WWOX: variants seen among roughly 807,000 people sequenced by gnomAD.
WWOX encodes WW domain containing oxidoreductase.
WWOX carries 69 observed loss-of-function variants against 46.2 expected under a neutral mutation model. The ratio of observed to expected loss-of-function variants is 1.49; its 90% CI spans 1.23 to 1.82. The LOEUF is 1.82. Among genes scored for constraint, WWOX ranks in the 40% most tolerant of loss-of-function variants. The pLI is 0.00. For missense variants in WWOX, 919 were observed against 542.6 expected (o/e 1.69, Z -6.89); for synonymous variants, 359 against 202.6 (o/e 1.77, Z -6.56).
intron 4 of WWOX, among the ~76,000 whole-genome samples, chr16:78,133,583 A>T (rs984811289): frequency 1.3e-5 from 2 of 151,994 alleles, no homozygotes; most frequent in African/African-American, 2.4e-5. Flanking sequence ...TTTAGTAGAG[A>T]TGGGGTTTCA....
intron 8 of WWOX, among the ~76,000 whole-genome samples, chr16:79,119,489 G>A (rs961338952): frequency 6.6e-6 from 1 of 152,192 alleles, no homozygotes. Flanking sequence ...CACTTTGTAG[G>A]TGCTTTATAA....
chr16:78,659,450 C>G (rs1427891335), intron 8 of WWOX, among the ~76,000 whole-genome samples: 3 of 152,116 alleles, frequency 2.0e-5, no homozygotes, highest in Admixed American at 1.3e-4. Context: ...ACCAGAAACT[C>G]TGGGAGTAGG....
At chr16:78,592,496 T>A (rs1265403827) in intron 8 of WWOX, among the ~76,000 whole-genome samples, 1 of 152,206 alleles carries the variant, frequency 6.6e-6, no homozygotes, top group African/African-American at 2.4e-5. Flanking sequence ...CTCAAGCCCC[T>A]GGACTCGCAG....
intron 8 of WWOX, among the ~76,000 whole-genome samples, chr16:78,666,194 G>A (rs1325977501): frequency 6.6e-6 from 1 of 152,118 alleles, no homozygotes; most frequent in Admixed American, 6.5e-5. Flanking sequence ...GGCTAAGGCA[G>A]GGGGATTGTT....
chr16:78,842,936 G>T (rs12446590), intron 8 of WWOX, among the ~76,000 whole-genome samples: 32,490 of 149,730 alleles, frequency 0.22, 5,757 homozygotes, highest in Middle Eastern at 0.36. Flanking sequence ...AATATGGAAA[G>T]AAATCTAATT....
chr16:79,153,655 G>C (rs943856120), intron 8 of WWOX, among the ~76,000 whole-genome samples: 1 of 152,010 alleles, frequency 6.6e-6, no homozygotes, highest in African/African-American at 2.4e-5. Flanking sequence ...CATAAATTGG[G>C]GATCATAGAA....
At chr16:79,173,894 C>T (rs2050749686) in intron 8 of WWOX, among the ~76,000 whole-genome samples, 1 of 152,124 alleles carries the variant, frequency 6.6e-6, no homozygotes, top group Non-Finnish European at 1.5e-5. Flanking sequence ...GATATATTAT[C>T]TACATAGATA....
At chr16:78,727,086 A>G (rs145744583) in intron 8 of WWOX, among the ~76,000 whole-genome samples, 1 of 152,256 alleles carries the variant, frequency 6.6e-6, no homozygotes, top group African/African-American at 2.4e-5. Flanking sequence ...ACCATGCAGA[A>G]TGCATCCATG....
At chr16:78,887,057 G>C (rs116786345) in intron 8 of WWOX, among the ~76,000 whole-genome samples, 2,333 of 147,466 alleles carry the variant, frequency 0.016, 57 homozygotes, top group African/African-American at 0.051. Context: ...GTGACAGTCT[G>C]GCTATATGTG....
At chr16:78,378,930 G>A (rs1303018761) in intron 5 of WWOX, among the ~76,000 whole-genome samples, 7 of 152,152 alleles carry the variant, frequency 4.6e-5, no homozygotes, top group South Asian at 2.1e-4. Context: ...CCGGTGTTAC[G>A]TCTTCAAGAA....
intron 8 of WWOX, among the ~76,000 whole-genome samples, chr16:78,774,778 C>T (rs532820256): frequency 1.3e-5 from 2 of 152,290 alleles, no homozygotes; most frequent in African/African-American, 2.4e-5. Flanking sequence ...ATTCCTGGCA[C>T]ATGGCATTGT....
At chr16:79,196,040 T>G (rs1242117852) in intron 8 of WWOX, among the ~76,000 whole-genome samples, 2 of 152,234 alleles carry the variant, frequency 1.3e-5, no homozygotes, top group African/African-American at 4.8e-5. Flanking sequence ...TCATGCAATT[T>G]AATCAGTAGG....
intron 8 of WWOX, among the ~76,000 whole-genome samples, chr16:78,532,811 C>T (rs1021888183): frequency 5.3e-5 from 8 of 152,122 alleles, no homozygotes; most frequent in African/African-American, 1.9e-4. Context: ...CTCCATGATT[C>T]AGTTACCTCC....
chr16:79,102,925 G>C (rs1597377767), intron 8 of WWOX, among the ~76,000 whole-genome samples: 1 of 149,154 alleles, frequency 6.7e-6, no homozygotes, highest in African/African-American at 2.6e-5. Flanking sequence ...CCTCCTCTCT[G>C]TCCTCTTCCT....
chr16:78,348,637 C>G (rs1319572389), intron 5 of WWOX, among the ~76,000 whole-genome samples: 1 of 118,828 alleles, frequency 8.4e-6, no homozygotes, highest in Admixed American at 8.3e-5. Flanking sequence ...ACTACATTTT[C>G]TGTAGAGACG....
chr16:78,530,266 C>G (rs8046278), intron 8 of WWOX, among the ~76,000 whole-genome samples: 29,573 of 152,072 alleles, frequency 0.19, 3,049 homozygotes, highest in South Asian at 0.27. Flanking sequence ...GTTAACAGTT[C>G]AGTGGAGGGT....
At position 78,253,025 on chromosome 16, in the gene WWOX, T is replaced by TC. The variant is rs1597404335; in HGVS notation, c.516+88736_516+88737insC. On this transcript the variant is annotated intron_variant, in intron 5 of 8. Transcript: ENST00000566780. ...TCTATTTACGTAGGCCCTTTATAAA[T>TC]GTGGGACCATACCCTCTGTTTAGAT... 2.6e-5 allele frequency among the ~76,000 whole-genome samples: 4 copies of TC among 152,336 alleles called. No homozygotes were observed. The East Asian group carries it at 7.7e-4, about 29-fold the overall frequency.
chr16:78,504,487 A>G (rs1384540364), intron 8 of WWOX, among the ~76,000 whole-genome samples: 2 of 152,206 alleles, frequency 1.3e-5, no homozygotes, highest in East Asian at 3.8e-4. Context: ...TCCACCTCGC[A>G]GTTTTCTTCC....
At chr16:78,106,927 G>A (rs140430562) in intron 1 of WWOX, among the ~76,000 whole-genome samples, 2 of 152,294 alleles carry the variant, frequency 1.3e-5, no homozygotes, top group East Asian at 3.9e-4. Context: ...GGGCTGCTCA[G>A]GTCTTCAGCG....
Sources: gnomAD v4.1 joint callset for allele counts (sites outside exome capture counted in the v4.1 genomes callset) on GRCh38, gnomAD v4.1.1 for gene constraint, MANE v1.5 for transcripts, NCBI Gene and HGNC (gene_info 2026-07-23, HGNC 2026-07-21) for gene names.